Variants in UBE2L3 observed in about 807,000 individuals in gnomAD.
UBE2L3 encodes the protein ubiquitin-conjugating enzyme E2 L3.
A neutral mutation model predicts 17.8 loss-of-function variants in UBE2L3; 1 was observed. That is an observed-to-expected ratio of 0.06 (90% CI 0.02 to 0.27). The LOEUF (loss-of-function observed/expected upper bound fraction) is 0.27, where lower values mean the gene tolerates loss of function less well. Ranked by LOEUF, UBE2L3 falls within the 10% of genes least tolerant of loss-of-function variation. The pLI, the probability that UBE2L3 is intolerant of heterozygous loss-of-function variation, is 1.00. For synonymous variants in UBE2L3, 44 were observed against 68.5 expected, an observed-to-expected ratio of 0.64 and a Z score of 1.76; for missense variants, 40 against 192.6, an observed-to-expected ratio of 0.21 and a Z score of 4.69.
chr22:21,607,742 C>T (rs1197205515), intron 2 of UBE2L3, among the ~76,000 whole-genome samples: 1 of 152,020 alleles, frequency 6.6e-6, no homozygotes, highest in African/African-American at 2.4e-5. Flanking sequence ...GTGTCCAGGC[C>T]CCAAAGGTGG....
At chr22:21,611,962 C>G (rs1447232971) in intron 3 of UBE2L3, among the ~76,000 whole-genome samples, 1 of 152,074 alleles carries the variant, frequency 6.6e-6, no homozygotes, top group South Asian at 2.1e-4. Context: ...AGACGGAGTC[C>G]AGAGAACTCC....
intron 1 of UBE2L3, among the ~76,000 whole-genome samples, chr22:21,558,690 A>G (rs144746894): frequency 0.066 from 9,741 of 146,878 alleles, 542 homozygotes; most frequent in African/African-American, 0.23. Flanking sequence ...GGGTCTCCCT[A>G]TGTTGCCTGG....
chr22:21,561,130 A>G (rs1233733420), intron 1 of UBE2L3, among the ~76,000 whole-genome samples: 2 of 152,266 alleles, frequency 1.3e-5, no homozygotes, highest in Non-Finnish European at 2.9e-5. Context: ...CCAAGAACAG[A>G]CTTGGGCTTG....
intron 2 of UBE2L3, among the ~76,000 whole-genome samples, chr22:21,606,404 C>T (rs917607709): frequency 1.3e-5 from 2 of 152,208 alleles, no homozygotes; most frequent in Non-Finnish European, 2.9e-5. Flanking sequence ...ACTGCAACCT[C>T]TGCCTCCCAG....
chr22:21,615,812 ACAGTGCGATGCCCTGCCTTCTTGTTT>A (rs1335136097), intron 3 of UBE2L3, among the ~76,000 whole-genome samples: 1 of 152,220 alleles, frequency 6.6e-6, no homozygotes, highest in African/African-American at 2.4e-5. Context: ...GTGTGGTTGA[ACAGTGCGATGCCCTGCCTTCTTGTTT>A]CAGCTCTCAA....
intron 2 of UBE2L3, among the ~76,000 whole-genome samples, chr22:21,606,662 C>T (rs574502727): frequency 6.6e-6 from 1 of 152,194 alleles, no homozygotes; most frequent in East Asian, 1.9e-4. Context: ...CCAGCCTGGA[C>T]AACATAGTGA....
chr22:21,609,670 C>T (rs1929371453), intron 2 of UBE2L3, among the ~76,000 whole-genome samples: 1 of 151,728 alleles, frequency 6.6e-6, no homozygotes, highest in Non-Finnish European at 1.5e-5. Context: ...ATCACGCCAC[C>T]ATCCAGTGGG....
In UBE2L3 at chr22:21,621,597, G is replaced by T; in HGVS notation, c.393G>T (p.Lys131Asn). Residue 131 changes from lysine to asparagine, a missense_variant, in exon 4 of 4, where the codon AAG (lysine) becomes AAT (asparagine). Physicochemically the swap from Lys to Asn is moderately conservative, Grantham distance 94. Coordinates refer to ENST00000342192, the MANE Select transcript of UBE2L3 (RefSeq NM_003347.4). The part of the protein sequence containing the change: ...LRADLAEEYS[K>N]DRKKFCKNAE... ...CTGACCTAGCTGAAGAATACTCTAAGGACCGTAAAAAATTCTGTAAGAATG... is the reference window on the plus strand; with the variant it reads ...CTGACCTAGCTGAAGAATACTCTAATGACCGTAAAAAATTCTGTAAGAATG... 1 of 1,611,254 alleles carries T rather than the reference G, an allele frequency of 6.2e-7. No homozygotes were observed. The highest frequency in any genetic ancestry group is 8.5e-7 in the Non-Finnish European group (1 of 1,179,690).
At chr22:21,589,142 A>AT (rs768593270) in intron 1 of UBE2L3, among the ~76,000 whole-genome samples, 8,750 of 111,670 alleles carry the variant, frequency 0.078, 1,344 homozygotes, top group African/African-American at 0.28. Flanking sequence ...CATGATTGGA[A>AT]TTTTTTTTTT....
intron 3 of UBE2L3, among the ~76,000 whole-genome samples, chr22:21,617,401 G>A (rs989778665): frequency 1.3e-5 from 2 of 151,910 alleles, no homozygotes; most frequent in Non-Finnish European, 2.9e-5. Flanking sequence ...CGAGTAGCTG[G>A]GACTACAGGC....
At chr22:21,592,264 C>G (rs993406905) in intron 1 of UBE2L3, among the ~76,000 whole-genome samples, 8 of 151,700 alleles carry the variant, frequency 5.3e-5, no homozygotes, top group Admixed American at 2.6e-4. Context: ...CCCGTCCCCA[C>G]CCCCCCACTC....
At chr22:21,586,785 C>A (rs1162706386) in intron 1 of UBE2L3, among the ~76,000 whole-genome samples, 2 of 151,580 alleles carry the variant, frequency 1.3e-5, no homozygotes, top group South Asian at 4.2e-4. Flanking sequence ...CCAGGCTGCT[C>A]TCAAACTCCT....
intron 1 of UBE2L3, among the ~76,000 whole-genome samples, chr22:21,583,378 G>A (rs1927751170): frequency 6.6e-6 from 1 of 152,168 alleles, no homozygotes; most frequent in African/African-American, 2.4e-5. Flanking sequence ...GTGGCCTTAA[G>A]CTTTACTTTC....
In UBE2L3 at chr22:21,591,202, A is replaced by T. The variant is rs913876728; in HGVS notation, c.28-1659A>T. ...GCCAGGCCACCCCATTCCTCACTGCAGGAGGTTGCAGCCCATGCCGCTAAC... is the reference window on the plus strand; with the variant it reads ...GCCAGGCCACCCCATTCCTCACTGCTGGAGGTTGCAGCCCATGCCGCTAAC... On this transcript the variant is annotated intron_variant, in intron 1 of 3. Transcript: ENST00000342192. 5.3e-5 allele frequency among the ~76,000 whole-genome samples: 8 copies of T among 152,194 alleles called. No individual in the cohort carries two copies. The East Asian group carries it at 1.5e-3, about 29-fold the overall frequency.
At chr22:21,576,515 G>T (rs1418780715) in intron 1 of UBE2L3, among the ~76,000 whole-genome samples, 1 of 151,828 alleles carries the variant, frequency 6.6e-6, no homozygotes, top group Non-Finnish European at 1.5e-5. Context: ...AGTCAGGATG[G>T]TCTCGATCTC....
intron 3 of UBE2L3, among the ~76,000 whole-genome samples, chr22:21,615,520 A>T (rs886760081): frequency 2.7e-5 from 4 of 150,872 alleles, no homozygotes; most frequent in Non-Finnish European, 5.9e-5. Flanking sequence ...ACGCCACTGC[A>T]CTCCAGCCTG....
chr22:21,568,012 T>C, intron 1 of UBE2L3: 2 of 1,325,506 alleles, frequency 1.5e-6, no homozygotes, highest in Non-Finnish European at 1.9e-6. Flanking sequence ...GCCCGGGGCG[T>C]TCACGCCACT....
intron 1 of UBE2L3, among the ~76,000 whole-genome samples, chr22:21,558,976 T>C (rs1325519185): frequency 6.6e-6 from 1 of 151,798 alleles, no homozygotes; most frequent in Non-Finnish European, 1.5e-5. Flanking sequence ...GAGAATGAGC[T>C]GCAGACTGGG....
intron 2 of UBE2L3, among the ~76,000 whole-genome samples, chr22:21,598,994 C>T (rs1348994959): frequency 6.6e-6 from 1 of 152,022 alleles, no homozygotes; most frequent in Non-Finnish European, 1.5e-5. Context: ...CATACACCAC[C>T]ACGCTCGGCT....
Sources: allele counts gnomAD v4.1 joint callset (sites outside exome capture counted in the v4.1 genomes callset), GRCh38; gene constraint gnomAD v4.1.1; transcripts MANE v1.5; gene names NCBI Gene and HGNC (gene_info 2026-07-23, HGNC 2026-07-21).